SORCS2: variants seen among roughly 807,000 people sequenced by gnomAD.
The protein encoded by SORCS2 is sortilin related VPS10 domain containing receptor 2, also known as VPS10 domain-containing receptor SorCS2.
In SORCS2, 100 loss-of-function variants were observed where a neutral mutation model predicts 141.6. The observed-to-expected ratio is 0.71, with a 90% confidence interval of 0.60 to 0.83. SORCS2 has a LOEUF of 0.83. Ranked by LOEUF, SORCS2 falls within the 40% of genes least tolerant of loss-of-function variation. The pLI is 0.00. For synonymous variants in SORCS2, 789 were observed against 676.9 expected (o/e 1.17, Z -2.57); for missense variants, 1,646 against 1,560.2 (o/e 1.05, Z -0.93).
At chr4:7,601,846 T>C (rs1052519953) in intron 3 of SORCS2, among the ~76,000 whole-genome samples, 7 of 152,230 alleles carry the variant, frequency 4.6e-5, no homozygotes, top group South Asian at 2.1e-4. Flanking sequence ...TCCCTGAGTA[T>C]GTGAGATTAG....
At chr4:7,288,714 A>G (rs935188574) in intron 1 of SORCS2, among the ~76,000 whole-genome samples, 1 of 143,930 alleles carries the variant, frequency 6.9e-6, no homozygotes, top group African/African-American at 2.6e-5. Context: ...TTTAACCTTA[A>G]TCACCTTCTT....
At chr4:7,654,319 C>T (rs754136295) in intron 5 of SORCS2, 112 bp downstream of exon 5, 87 of 1,124,328 alleles carry the variant, frequency 7.7e-5, no homozygotes, top group Middle Eastern at 2.4e-4. Flanking sequence ...TCTGGACCCT[C>T]CCCATCCCGG....
At position 7,714,778 on chromosome 4, in the gene SORCS2, A is replaced by G. The variant is rs566153866; in HGVS notation, c.2123+405A>G. Among the ~76,000 whole-genome samples, 175 of 152,214 alleles carry G rather than the reference A, an allele frequency of 1.1e-3. 1 individual carries two copies. The highest frequency in any genetic ancestry group is 4.2e-3 in the African/African-American group (173 of 41,524). On this transcript the variant is annotated intron_variant, in intron 16 of 26. Transcript: ENST00000507866. ...GTGACTGCCCAGTGCCCACAGGACA[A>G]TTTGGCTAACAGCTCACCCACCTGC...
intron 3 of SORCS2, among the ~76,000 whole-genome samples, chr4:7,561,217 T>A (rs753354848): frequency 2.0e-5 from 3 of 152,154 alleles, no homozygotes; most frequent in Non-Finnish European, 2.9e-5. Context: ...TTTTAATTTG[T>A]CATACAGGGC....
intron 4 of SORCS2, among the ~76,000 whole-genome samples, chr4:7,649,010 A>G (rs58620501): frequency 0.047 from 7,077 of 152,028 alleles, 546 homozygotes; most frequent in African/African-American, 0.16. Context: ...GGTGTGGCGG[A>G]CGAAGGCACT....
intron 2 of SORCS2, among the ~76,000 whole-genome samples, chr4:7,465,219 A>C (rs1577609539): frequency 6.6e-6 from 1 of 152,344 alleles, no homozygotes. Context: ...CCATGGCAAC[A>C]TTCTCCTGCA....
intron 1 of SORCS2, among the ~76,000 whole-genome samples, chr4:7,371,899 C>T (rs1027270535): frequency 1.3e-5 from 2 of 152,194 alleles, no homozygotes; most frequent in African/African-American, 4.8e-5. Context: ...AGGACGCCTG[C>T]ATGCTGGTGG....
At chr4:7,614,551 C>G (rs997570416) in intron 3 of SORCS2, among the ~76,000 whole-genome samples, 2 of 151,540 alleles carry the variant, frequency 1.3e-5, no homozygotes, top group African/African-American at 4.9e-5. Flanking sequence ...TATCCATCCT[C>G]TCATCCACTG....
intron 14 of SORCS2, among the ~76,000 whole-genome samples, chr4:7,705,771 G>A (rs973015925): frequency 2.0e-5 from 3 of 152,250 alleles, no homozygotes; most frequent in African/African-American, 7.2e-5. Context: ...GACCCTGAGT[G>A]GCTCTTCCAC....
intron 2 of SORCS2, among the ~76,000 whole-genome samples, chr4:7,475,332 G>A (rs1270781133): frequency 1.3e-5 from 2 of 152,212 alleles, no homozygotes; most frequent in Non-Finnish European, 2.9e-5. Context: ...GCAGATCAGT[G>A]TGTGGAACAC....
intron 2 of SORCS2, among the ~76,000 whole-genome samples, chr4:7,419,339 G>GT: frequency 6.6e-6 from 1 of 152,248 alleles, no homozygotes; most frequent in Admixed American, 6.5e-5. Context: ...CTGGGTAGAG[G>GT]TCTCTCATGG....
chr4:7,205,679 A>G (rs1230889052), intron 1 of SORCS2, among the ~76,000 whole-genome samples: 1 of 152,240 alleles, frequency 6.6e-6, no homozygotes, highest in Non-Finnish European at 1.5e-5. Context: ...CAAAGAGGCC[A>G]TTGTTTCTGC....
At chr4:7,575,679 C>T (rs750693117) in intron 3 of SORCS2, among the ~76,000 whole-genome samples, 127 of 152,366 alleles carry the variant, frequency 8.3e-4, no homozygotes, top group African/African-American at 2.5e-3. Flanking sequence ...GATGACCACA[C>T]GTGGCTGGGA....
rs1553850390 is a variant in SORCS2 at position 7,373,022 on chromosome 4, T to TTC, written c.481-23266_481-23265insTC. Among the ~76,000 whole-genome samples, 4 of 151,032 alleles carry TTC rather than the reference T, an allele frequency of 2.6e-5. No individual in the cohort carries two copies. In the South Asian group the frequency reaches 6.4e-4, roughly 24 times the overall value. On this transcript the variant is annotated intron_variant, in intron 1 of 26. Coordinates refer to ENST00000507866, the MANE Select transcript of SORCS2 (RefSeq NM_020777.3). Reference sequence around the variant, plus strand: ...GTGGTTTCTGTTTTTTTTTTTTTTTTCCCCTATCATGCATAAAGTGCTCTG... The same window carrying TTC: ...GTGGTTTCTGTTTTTTTTTTTTTTTTTCCCCCTATCATGCATAAAGTGCTCTG...
intron 17 of SORCS2, among the ~76,000 whole-genome samples, chr4:7,717,726 G>A (rs1726288421): frequency 6.6e-6 from 1 of 152,232 alleles, no homozygotes; most frequent in Non-Finnish European, 1.5e-5. Flanking sequence ...GGCTGTTACT[G>A]TTACTGTGAG....
chr4:7,642,124 A>G (rs1720789908), intron 4 of SORCS2, among the ~76,000 whole-genome samples: 1 of 152,232 alleles, frequency 6.6e-6, no homozygotes, highest in South Asian at 2.1e-4. Context: ...GGGACCTCCA[A>G]ATGGAGATTC....
intron 1 of SORCS2, among the ~76,000 whole-genome samples, chr4:7,382,925 G>GA (rs930510812): frequency 2.0e-5 from 3 of 152,100 alleles, no homozygotes; most frequent in Non-Finnish European, 4.4e-5. Flanking sequence ...ATCAGAAGAA[G>GA]AAAAAATGAA....
At chr4:7,615,303 A>G (rs1248348223) in intron 3 of SORCS2, among the ~76,000 whole-genome samples, 1 of 152,230 alleles carries the variant, frequency 6.6e-6, no homozygotes, top group African/African-American at 2.4e-5. Flanking sequence ...AAGTCAGGGC[A>G]TTGGACAAGT....
chr4:7,494,501 G>A (rs1166027993), intron 2 of SORCS2, among the ~76,000 whole-genome samples: 1 of 132,082 alleles, frequency 7.6e-6, no homozygotes, highest in Non-Finnish European at 1.6e-5. Flanking sequence ...TCCTCGCTGT[G>A]TCGTCTCATG....
Sources: allele counts gnomAD v4.1 joint callset (sites outside exome capture counted in the v4.1 genomes callset), GRCh38; gene constraint gnomAD v4.1.1; transcripts MANE v1.5; gene names NCBI Gene and HGNC (gene_info 2026-07-23, HGNC 2026-07-21).